Variants in DLG2 observed in about 807,000 individuals in gnomAD.
The protein encoded by DLG2 is disks large homolog 2.
A neutral mutation model predicts 132.5 loss-of-function variants in DLG2; 45 were observed. The observed-to-expected ratio is 0.34, with a 90% CI of 0.27 to 0.44. The LOEUF (loss-of-function observed/expected upper bound fraction) is 0.44. DLG2 is among the 20% of genes least tolerant of loss of function. The pLI is 1.00. For missense variants in DLG2, 1,045 were observed against 1,196.9 expected, an observed-to-expected ratio of 0.87 and a Z score of 1.87; for synonymous variants, 424 against 419.6, an observed-to-expected ratio of 1.01 and a Z score of -0.13.
intron 8 of DLG2, among the ~76,000 whole-genome samples, chr11:84,181,185 G>A (rs1946834029): frequency 6.6e-6 from 1 of 151,508 alleles, no homozygotes; most frequent in Non-Finnish European, 1.5e-5. Context: ...TTATATATAA[G>A]TGAAATGAAT....
chr11:83,938,673 C>T (rs1001509165), intron 14 of DLG2, among the ~76,000 whole-genome samples: 6 of 152,138 alleles, frequency 3.9e-5, no homozygotes, highest in African/African-American at 1.4e-4. Context: ...CAAAAACCTA[C>T]TTTGTGGCAG....
chr11:85,178,791 C>T (rs557332127), intron 4 of DLG2, among the ~76,000 whole-genome samples: 41 of 151,636 alleles, frequency 2.7e-4, no homozygotes, highest in African/African-American at 9.7e-4. Flanking sequence ...GAAGATAGCA[C>T]AAGAAATCCC....
intron 3 of DLG2, among the ~76,000 whole-genome samples, chr11:85,500,948 C>T (rs1282484367): frequency 2.0e-5 from 3 of 152,212 alleles, no homozygotes; most frequent in Non-Finnish European, 4.4e-5. Context: ...CATAAAAGAG[C>T]TCCCATAGCC....
At chr11:83,558,647 C>T (rs41460348) in intron 19 of DLG2, among the ~76,000 whole-genome samples, 1,923 of 152,228 alleles carry the variant, frequency 0.013, 45 homozygotes, top group African/African-American at 0.044. Flanking sequence ...GAATTCAACC[C>T]AGATCTGTTT....
intron 6 of DLG2, among the ~76,000 whole-genome samples, chr11:85,033,121 G>T (rs2061161149): frequency 2.0e-5 from 3 of 152,046 alleles, no homozygotes; most frequent in Admixed American, 1.3e-4. Flanking sequence ...AAAAATAACT[G>T]TTTTTTGTCT....
intron 20 of DLG2, among the ~76,000 whole-genome samples, chr11:83,539,967 A>C (rs1210621780): frequency 6.6e-6 from 1 of 152,180 alleles, no homozygotes; most frequent in African/African-American, 2.4e-5. Context: ...AGAGTCAGAA[A>C]ACTGTATAGT....
intron 3 of DLG2, among the ~76,000 whole-genome samples, chr11:85,588,319 C>A (rs2079095674): frequency 6.6e-6 from 1 of 152,194 alleles, no homozygotes; most frequent in Non-Finnish European, 1.5e-5. Flanking sequence ...TCCTCAGGAA[C>A]ACCAATTATT....
chr11:84,464,743 CTGAA>C (rs2099089495), intron 7 of DLG2, among the ~76,000 whole-genome samples: 2 of 151,060 alleles, frequency 1.3e-5, no homozygotes, highest in African/African-American at 2.4e-5. Context: ...TAAGCTTCTT[CTGAA>C]TGAAATTCAA....
chr11:84,330,103 G>A lies in DLG2; in HGVS notation c.520-78812C>T, dbSNP rs2098451927. On this transcript the variant is annotated intron_variant, in intron 7 of 27. Coordinates refer to ENST00000376104, the MANE Select transcript of DLG2 (RefSeq NM_001142699.3). ...CTGGCACATAATTATGCTCAACAAT[G>A]TCTATTTATGCATTTACCTGTCTGT... is the stretch of plus-strand genomic sequence containing the variant. Among the ~76,000 whole-genome samples, 3 of 152,070 alleles carry A rather than the reference G, an allele frequency of 2.0e-5. No individual in the cohort carries two copies. In the South Asian group the frequency reaches 6.2e-4, roughly 31 times the overall value.
At chr11:85,355,542 G>A (rs2083627082) in intron 3 of DLG2, among the ~76,000 whole-genome samples, 1 of 151,938 alleles carries the variant, frequency 6.6e-6, no homozygotes, top group African/African-American at 2.4e-5. Context: ...ATTATACTAG[G>A]TTTCTCATAA....
chr11:84,737,847 C>A (rs1267216439), intron 6 of DLG2, among the ~76,000 whole-genome samples: 1 of 152,000 alleles, frequency 6.6e-6, no homozygotes, highest in Non-Finnish European at 1.5e-5. Flanking sequence ...TTCAGTATGA[C>A]TTCTAGGTTT....
intron 6 of DLG2, among the ~76,000 whole-genome samples, chr11:84,918,225 G>A (rs2092584082): frequency 6.6e-6 from 1 of 152,132 alleles, no homozygotes; most frequent in Non-Finnish European, 1.5e-5. Flanking sequence ...TTAAAATTTA[G>A]TTGGGGTGAG....
intron 17 of DLG2, chr11:83,790,796 A>G: frequency 1.3e-6 from 1 of 756,310 alleles, no homozygotes. Flanking sequence ...CTTCGGGGAA[A>G]GAGCGCCCTC....
chr11:85,493,133 C>T (rs1006610496), intron 3 of DLG2, among the ~76,000 whole-genome samples: 1 of 152,106 alleles, frequency 6.6e-6, no homozygotes, highest in African/African-American at 2.4e-5. Context: ...GGTTTATGAA[C>T]TGAGTACTGA....
chr11:84,352,160 C>G (rs2098579472), intron 7 of DLG2, among the ~76,000 whole-genome samples: 1 of 152,200 alleles, frequency 6.6e-6, no homozygotes, highest in Non-Finnish European at 1.5e-5. Flanking sequence ...CCCGCTCTTG[C>G]TCCACAGCAT....
intron 10 of DLG2, among the ~76,000 whole-genome samples, chr11:84,081,988 T>C (rs1156560908): frequency 6.6e-6 from 1 of 152,156 alleles, no homozygotes; most frequent in Non-Finnish European, 1.5e-5. Context: ...GCACCTGTTG[T>C]TTCCTGACTT....
intron 7 of DLG2, among the ~76,000 whole-genome samples, chr11:84,444,801 C>CTTTTTTTTTT (rs555951100): frequency 7.2e-6 from 1 of 139,596 alleles, no homozygotes. Flanking sequence ...TTATTGTATA[C>CTTTTTTTTTT]TTTTTTTTTT....
chr11:84,505,759 T>C (rs1326487578), intron 7 of DLG2, among the ~76,000 whole-genome samples: 2 of 152,220 alleles, frequency 1.3e-5, no homozygotes, highest in Non-Finnish European at 2.9e-5. Context: ...GAATACAGCT[T>C]GCATTTATCA....
intron 6 of DLG2, among the ~76,000 whole-genome samples, chr11:85,063,591 T>G (rs1388230462): frequency 1.3e-5 from 2 of 151,862 alleles, no homozygotes; most frequent in Non-Finnish European, 2.9e-5. Context: ...GGAGATTTCT[T>G]TCTACAAAAC....
Sources: gnomAD v4.1 joint callset for allele counts (sites outside exome capture counted in the v4.1 genomes callset) on GRCh38, gnomAD v4.1.1 for gene constraint, MANE v1.5 for transcripts, NCBI Gene and HGNC (gene_info 2026-07-23, HGNC 2026-07-21) for gene names.